ACKR2: variants seen among roughly 807,000 people sequenced by gnomAD.
ACKR2 encodes atypical chemokine receptor 2, also known as C-C chemokine receptor D6.
For synonymous variants in ACKR2, 207 were observed against 192.2 expected (o/e 1.08, Z -0.64); for missense variants, 457 against 477.3 (o/e 0.96, Z 0.40).
At chr3:42,858,146 A>T (rs13083715) in intron 2 of ACKR2, among the ~76,000 whole-genome samples, 3 of 152,208 alleles carry the variant, frequency 2.0e-5, no homozygotes, top group Non-Finnish European at 2.9e-5. Context: ...AGAGCAGTGG[A>T]TCTCCCAGCA....
At chr3:42,856,094 G>C (rs771026109) in intron 2 of ACKR2, 2 of 410,646 alleles carry the variant, frequency 4.9e-6, no homozygotes, top group Non-Finnish European at 8.7e-6. Flanking sequence ...TGTCCTTACT[G>C]CTGCCCAGAA....
intron 2 of ACKR2, among the ~76,000 whole-genome samples, chr3:42,829,235 A>T (rs751519047): frequency 5.9e-5 from 9 of 152,330 alleles, no homozygotes; most frequent in Non-Finnish European, 1.2e-4. Context: ...TGGTAGAGGC[A>T]TGGCACAGGA....
rs113132811 is a variant in ACKR2 at position 42,864,597 on chromosome 3, C to G, written c.95C>G (p.Ala32Gly). The change falls in exon 3 of 3, where the codon GCC (alanine) becomes GGC (glycine). Residue 32 changes from alanine to glycine, a missense_variant. Transcript: ENST00000422265. Reference sequence around the variant, plus strand: ...TACTATGACTACCTGGATGAAGTGGCCTTCATGCTCTGCAGGAAGGATGCA... The same window carrying G: ...TACTATGACTACCTGGATGAAGTGGGCTTCATGCTCTGCAGGAAGGATGCA... ...FYYYDYLDEV[A>G]FMLCRKDAVV... is the part of the protein sequence containing the mutation. The G allele has an allele frequency of 2.9e-5, 47 of 1,614,206 alleles. No individual in the cohort carries two copies. The highest frequency in any genetic ancestry group is 5.3e-5 in the African/African-American group (4 of 75,052).
In ACKR2 at chr3:42,824,304, A is replaced by T. The variant is rs190203759; in HGVS notation, c.-38+4593A>T. Among the ~76,000 whole-genome samples the T allele has an allele frequency of 5.1e-3, 776 of 152,246 alleles. 4 individuals are homozygous for T. Among genetic ancestry groups the T allele is most frequent in the East Asian group, 0.011 (55 of 5,192 alleles). On this transcript the variant is annotated intron_variant, in intron 2 of 2. Coordinates refer to ENST00000422265, the MANE Select transcript of ACKR2 (RefSeq NM_001296.5). ...TGTATTGTTATTTTTAAATTTTTTT[A>T]AAAAATATTTTCAGTCCTTTGTTGG...
chr3:42,839,435 G>A (rs1204217418), intron 2 of ACKR2, among the ~76,000 whole-genome samples: 4 of 152,046 alleles, frequency 2.6e-5, no homozygotes, highest in African/African-American at 4.8e-5. Flanking sequence ...AAATGCCAAG[G>A]CAATAGATGA....
chr3:42,838,104 GA>G (rs1347643037), intron 2 of ACKR2, among the ~76,000 whole-genome samples: 2 of 151,598 alleles, frequency 1.3e-5, no homozygotes, highest in African/African-American at 2.4e-5. Flanking sequence ...AAACATAAGA[GA>G]AAAAAAATCT....
intron 1 of ACKR2, among the ~76,000 whole-genome samples, 161 bp downstream of exon 1, chr3:42,809,693 C>A (rs903009562): frequency 1.3e-5 from 2 of 152,086 alleles, no homozygotes; most frequent in African/African-American, 4.8e-5. Flanking sequence ...GATACCCCAT[C>A]TCTACTAAAA....
At position 42,828,092 on chromosome 3, in the gene ACKR2, A is replaced by ATATTTT. The variant is rs1193533555; in HGVS notation, c.-38+8382_-38+8383insATTTTT. On this transcript the variant is annotated intron_variant, in intron 2 of 2. Transcript: ENST00000422265. ...GCTTGCATTATATATATATATATATATTTTTTTTTTTTTCTTTTCTTTTCT... is the reference window on the plus strand; with the variant it reads ...GCTTGCATTATATATATATATATATATATTTTTTTTTTTTTTTTTCTTTTCTTTTCT... 3.0e-3 allele frequency among the ~76,000 whole-genome samples: 370 copies of ATATTTT among 121,868 alleles called. 1 individual carries two copies. The highest frequency in any genetic ancestry group is 4.5e-3 in the South Asian group (16 of 3,548). The allele number at this position is 121,868 out of a possible 152,430, so 80.0% of individuals were successfully genotyped here.
intron 1 of ACKR2, among the ~76,000 whole-genome samples, chr3:42,815,615 A>G (rs1700740362): frequency 6.6e-6 from 1 of 152,254 alleles, no homozygotes; most frequent in African/African-American, 2.4e-5. Flanking sequence ...TTTTAAGTAA[A>G]CAAAAAATTT....
chr3:42,850,977 G>C (rs1701151068), intron 2 of ACKR2: 1 of 152,458 alleles, frequency 6.6e-6, no homozygotes, highest in African/African-American at 2.4e-5. Context: ...TTTAGAATTG[G>C]GGCAGAATGG....
At chr3:42,812,597 C>A (rs960841745) in intron 1 of ACKR2, among the ~76,000 whole-genome samples, 1 of 151,504 alleles carries the variant, frequency 6.6e-6, no homozygotes, top group African/African-American at 2.4e-5. Flanking sequence ...CTTACCTCTC[C>A]AGGTCATGGA....
chr3:42,811,873 C>T (rs540755265), intron 1 of ACKR2, among the ~76,000 whole-genome samples: 7 of 152,272 alleles, frequency 4.6e-5, no homozygotes, highest in East Asian at 1.9e-4. Flanking sequence ...CGTGCACATC[C>T]GGGCACAGTA....
In ACKR2 at chr3:42,865,819, C is replaced by T. The variant is rs887442777; in HGVS notation, c.*162C>T. ...CATTTGCTCGCCCCGCCTTCTTCCTCCACTTTCTTCACTTGCTTCCAGGAT... is the reference window on the plus strand; with the variant it reads ...CATTTGCTCGCCCCGCCTTCTTCCTTCACTTTCTTCACTTGCTTCCAGGAT... On this transcript the variant is annotated 3_prime_UTR_variant, in exon 3 of 3. Coordinates refer to ENST00000422265, the MANE Select transcript of ACKR2 (RefSeq NM_001296.5). The T allele has an allele frequency of 3.4e-6, 2 of 588,796 alleles. No individual in the cohort carries two copies. Among genetic ancestry groups the T allele is most frequent in the African/African-American group, 1.9e-5 (1 of 53,468 alleles). The allele number at this position is 588,796 out of a possible 1,614,324, so 36.5% of individuals were successfully genotyped here.
At chr3:42,855,471 G>A (rs1199769214) in intron 2 of ACKR2, among the ~76,000 whole-genome samples, 1 of 152,124 alleles carries the variant, frequency 6.6e-6, no homozygotes, top group Non-Finnish European at 1.5e-5. Context: ...TGATAGGAGG[G>A]AATGGTTGCT....
chr3:42,828,111 C>A (rs375759530), intron 2 of ACKR2, among the ~76,000 whole-genome samples: 28 of 91,664 alleles, frequency 3.1e-4, no homozygotes, highest in Non-Finnish European at 3.7e-4. Flanking sequence ...TTTTTCTTTT[C>A]TTTTCTTTTC....
chr3:42,828,092 A>ATTTTTTTTTTTTTTTTTTT (rs71072742), intron 2 of ACKR2, among the ~76,000 whole-genome samples: 1 of 121,900 alleles, frequency 8.2e-6, no homozygotes, highest in Non-Finnish European at 1.7e-5. Context: ...ATATATATAT[A>ATTTTTTTTTTTTTTTTTTT]TTTTTTTTTT....
intron 2 of ACKR2, among the ~76,000 whole-genome samples, chr3:42,848,093 A>C (rs957848996): frequency 1.3e-5 from 2 of 152,012 alleles, no homozygotes; most frequent in Non-Finnish European, 2.9e-5. Flanking sequence ...ATTTTAAAAG[A>C]GGATGAGACA....
intron 2 of ACKR2, chr3:42,841,805 A>G (rs887236185): frequency 6.6e-6 from 1 of 152,288 alleles, no homozygotes; most frequent in Non-Finnish European, 1.5e-5. Flanking sequence ...GAGTAATCCA[A>G]TGGGCTGGGT....
chr3:42,848,757 A>G (rs762518108), intron 2 of ACKR2, among the ~76,000 whole-genome samples: 16 of 152,194 alleles, frequency 1.1e-4, no homozygotes, highest in Non-Finnish European at 2.1e-4. Context: ...ACAGTGGAAG[A>G]ACTTGTTAGA....
Sources: gnomAD v4.1 joint callset for allele counts (sites outside exome capture counted in the v4.1 genomes callset) on GRCh38, gnomAD v4.1.1 for gene constraint, MANE v1.5 for transcripts, NCBI Gene and HGNC (gene_info 2026-07-23, HGNC 2026-07-21) for gene names.